Variants in CEP128 observed in about 807,000 individuals in gnomAD.
CEP128 encodes centrosomal protein 128kDa.
Under a neutral mutation model 156.7 loss-of-function variants are expected in CEP128, and 132 were observed. The observed-to-expected ratio is 0.84, with a 90% CI of 0.73 to 0.97. The LOEUF (loss-of-function observed/expected upper bound fraction) is 0.97. CEP128 is among the 50% of genes least tolerant of loss of function. The pLI is 0.00. For synonymous variants in CEP128, 469 were observed against 448.9 expected (o/e 1.04, Z -0.57); for missense variants, 1,252 against 1,281.9 (o/e 0.98, Z 0.36).
In CEP128 at chr14:80,822,545, G is replaced by C. The variant is rs1195448783; in HGVS notation, c.1209+8598C>G. The C allele has an allele frequency of 2.5e-5, 17 of 675,054 alleles. No individual in the cohort carries two copies. The East Asian group carries it at 4.6e-4, about 18-fold the overall frequency. 41.8% of individuals were successfully genotyped at this position (675,054 alleles called of 1,614,324 possible). A position where few individuals can be genotyped will look rare whatever the true frequency, so the allele number is the denominator to read the frequency against. The stretch of plus-strand genomic sequence containing the variant: ...CACCATGCCCAAGAGAAAGGCTGAA[G>C]GGGATGCTAAAGGAGATAAAGCCAA... On this transcript the variant is annotated intron_variant, in intron 13 of 24. Coordinates refer to ENST00000555265, the MANE Select transcript of CEP128 (RefSeq NM_152446.5).
At chr14:80,683,130 T>A (rs182133938) in intron 19 of CEP128, among the ~76,000 whole-genome samples, 30 of 152,196 alleles carry the variant, frequency 2.0e-4, no homozygotes, top group Non-Finnish European at 3.4e-4. Flanking sequence ...AATATCAATA[T>A]TAACCTTGAA....
intron 23 of CEP128, among the ~76,000 whole-genome samples, chr14:80,523,793 T>C (rs1194696245): frequency 2.0e-5 from 3 of 152,146 alleles, no homozygotes; most frequent in Non-Finnish European, 4.4e-5. Flanking sequence ...AAAGGAAACA[T>C]GTCATATAAT....
At chr14:80,778,494 T>G (rs1900923209) in intron 15 of CEP128, among the ~76,000 whole-genome samples, 1 of 152,220 alleles carries the variant, frequency 6.6e-6, no homozygotes, top group Admixed American at 6.5e-5. Flanking sequence ...TAGATGGGGC[T>G]TAACATTCCT....
At chr14:80,839,498 C>T (rs926545089) in intron 10 of CEP128, among the ~76,000 whole-genome samples, 1 of 151,968 alleles carries the variant, frequency 6.6e-6, no homozygotes, top group Non-Finnish European at 1.5e-5. Flanking sequence ...GACTGAACTT[C>T]ACACAAACAC....
At chr14:80,580,183 T>C (rs1012264599) in intron 20 of CEP128, among the ~76,000 whole-genome samples, 191 bp downstream of exon 20, 6 of 152,196 alleles carry the variant, frequency 3.9e-5, no homozygotes, top group Middle Eastern at 3.2e-3. Context: ...GCATAGAGGC[T>C]GATTTGGCTT....
At chr14:80,483,493 TA>T (rs1420876941) in intron 14 of CEP128, among the ~76,000 whole-genome samples, 4 of 152,232 alleles carry the variant, frequency 2.6e-5, no homozygotes, top group Non-Finnish European at 5.9e-5. Flanking sequence ...AGGCATGATT[TA>T]AACTATCAGG....
chr14:80,891,477 G>C (rs1009778536), intron 8 of CEP128, among the ~76,000 whole-genome samples: 25 of 151,286 alleles, frequency 1.7e-4, no homozygotes, highest in African/African-American at 4.9e-4. Flanking sequence ...ATACATGTAG[G>C]AGCTAAAAAT....
At chr14:80,760,317 C>T (rs1899895219) in intron 17 of CEP128, among the ~76,000 whole-genome samples, 1 of 151,956 alleles carries the variant, frequency 6.6e-6, no homozygotes, top group Non-Finnish European at 1.5e-5. Flanking sequence ...ATTCCATCAA[C>T]TCTACCAAAT....
intron 7 of CEP128, among the ~76,000 whole-genome samples, chr14:80,897,707 C>T (rs1411958812): frequency 6.6e-6 from 1 of 152,172 alleles, no homozygotes; most frequent in East Asian, 1.9e-4. Context: ...CTCTCTCCTG[C>T]TATAATCCTG....
intron 13 of CEP128, among the ~76,000 whole-genome samples, chr14:80,821,061 A>C (rs1157816102): frequency 6.6e-6 from 1 of 152,180 alleles, no homozygotes; most frequent in African/African-American, 2.4e-5. Flanking sequence ...ATGTTTTCTC[A>C]GTGCATATGA....
intron 13 of CEP128, among the ~76,000 whole-genome samples, chr14:80,801,608 GA>G: frequency 6.6e-6 from 1 of 151,928 alleles, no homozygotes; most frequent in East Asian, 1.9e-4. Flanking sequence ...ACAAACATAA[GA>G]AAAAACAACT....
chr14:80,620,305 G>A (rs749479346), intron 19 of CEP128, among the ~76,000 whole-genome samples: 4 of 152,044 alleles, frequency 2.6e-5, no homozygotes, highest in African/African-American at 4.8e-5. Context: ...GTCGACTAAG[G>A]AGACAATAGA....
chr14:80,625,905 T>A (rs555163134), intron 19 of CEP128, among the ~76,000 whole-genome samples: 3 of 152,164 alleles, frequency 2.0e-5, no homozygotes, highest in Admixed American at 6.6e-5. Context: ...ACAGAAGAAA[T>A]TTTTACCATA....
At chr14:80,489,921 AAAAAG>A (rs1432044403), downstream of CEP128, among the ~76,000 whole-genome samples, 232 of 152,108 alleles carry the variant, frequency 1.5e-3, no homozygotes, top group Admixed American at 2.9e-3. Context: ...AAAAAAAAAA[AAAAAG>A]AAACACCTTC....
At chr14:80,653,348 T>C (rs114231658) in intron 19 of CEP128, among the ~76,000 whole-genome samples, 4,173 of 151,456 alleles carry the variant, frequency 0.028, 170 homozygotes, top group East Asian at 0.1. Context: ...AAAAAAAAAG[T>C]TGGAAGGTAG....
intron 19 of CEP128, among the ~76,000 whole-genome samples, chr14:80,684,805 A>G (rs1896464430): frequency 6.6e-6 from 1 of 152,104 alleles, no homozygotes; most frequent in Non-Finnish European, 1.5e-5. Flanking sequence ...ACATATGTAA[A>G]TCAGTAAATG....
intron 19 of CEP128, among the ~76,000 whole-genome samples, chr14:80,619,791 A>C (rs2140649118): frequency 6.6e-6 from 1 of 152,266 alleles, no homozygotes; most frequent in Admixed American, 6.5e-5. Flanking sequence ...TTTGCTACAA[A>C]ATTTCAATAG....
At chr14:80,935,144 A>T (rs921060768) in intron 2 of CEP128, among the ~76,000 whole-genome samples, 1 of 152,212 alleles carries the variant, frequency 6.6e-6, no homozygotes, top group Non-Finnish European at 1.5e-5. Flanking sequence ...TACACTTGTT[A>T]CATGTAAATG....
At chr14:80,584,154 T>C (rs1891708784) in intron 19 of CEP128, among the ~76,000 whole-genome samples, 1 of 114,790 alleles carries the variant, frequency 8.7e-6, no homozygotes, top group Non-Finnish European at 1.8e-5. Flanking sequence ...TTTTTTTTTT[T>C]TTTTTTTTTG....
Sources: allele counts gnomAD v4.1 joint callset (sites outside exome capture counted in the v4.1 genomes callset), GRCh38; gene constraint gnomAD v4.1.1; transcripts MANE v1.5; gene names NCBI Gene and HGNC (gene_info 2026-07-23, HGNC 2026-07-21).